ERAP1: variants seen among roughly 807,000 people sequenced by gnomAD.
The protein encoded by ERAP1 is endoplasmic reticulum aminopeptidase 1, also known as adipocyte-derived leucine aminopeptidase.
Under a neutral mutation model 103.7 loss-of-function variants are expected in ERAP1, and 86 were observed. The ratio of observed to expected loss-of-function variants is 0.83; its 90% CI spans 0.70 to 0.99. The LOEUF is 0.99. Ranked by LOEUF, ERAP1 falls within the 50% of genes least tolerant of loss-of-function variation. The pLI is 0.00. For synonymous variants in ERAP1, 398 were observed against 402.4 expected (o/e 0.99, Z 0.13); for missense variants, 1,009 against 1,128.4 (o/e 0.89, Z 1.52).
chr5:96,886,863 T>C, the ERAP1 span: 1 of 1,251,710 alleles, frequency 8.0e-7, no homozygotes, highest in Non-Finnish European at 1.0e-6. Context: ...TTTTCTCATG[T>C]TTTTCATTGT....
the ERAP1 span, chr5:96,910,274 A>AG: frequency 1.3e-5 from 2 of 151,912 alleles, no homozygotes; most frequent in African/African-American, 4.8e-5. Context: ...CAAAAAAAAA[A>AG]AAAAAACTTT....
the ERAP1 span, among the ~76,000 whole-genome samples, chr5:96,861,303 C>T: frequency 6.6e-6 from 1 of 152,138 alleles, no homozygotes; most frequent in Non-Finnish European, 1.5e-5. Context: ...AATGAACACA[C>T]AGATACTTCA....
the ERAP1 span, among the ~76,000 whole-genome samples, chr5:96,847,715 G>A: frequency 6.6e-5 from 10 of 152,174 alleles, no homozygotes; most frequent in South Asian, 2.1e-4. Context: ...GTAGACTCCC[G>A]AAAAACTATT....
At chr5:96,902,293 T>C in the ERAP1 span, 1 of 1,610,372 alleles carries the variant, frequency 6.2e-7, no homozygotes, top group South Asian at 1.1e-5. Context: ...GCATATCCCA[T>C]TGACCTACTC....
chr5:96,813,414 G>A, the ERAP1 span, among the ~76,000 whole-genome samples: 1 of 152,058 alleles, frequency 6.6e-6, no homozygotes, highest in Non-Finnish European at 1.5e-5. Flanking sequence ...CAGCACTTTG[G>A]GAGGCCAAGG....
chr5:96,800,625 T>C (rs1295715109), intron 3 of ERAP1, among the ~76,000 whole-genome samples: 1 of 152,262 alleles, frequency 6.6e-6, no homozygotes, highest in Non-Finnish European at 1.5e-5. Flanking sequence ...CCTATCAGCA[T>C]GTATAACCTG....
the ERAP1 span, among the ~76,000 whole-genome samples, chr5:96,821,977 T>C: frequency 6.6e-6 from 1 of 152,202 alleles, no homozygotes; most frequent in Non-Finnish European, 1.5e-5. Context: ...GTCGTATTTA[T>C]TTAAAAGCAA....
At chr5:96,867,204 A>G in the ERAP1 span, among the ~76,000 whole-genome samples, 1 of 151,820 alleles carries the variant, frequency 6.6e-6, no homozygotes, top group South Asian at 2.1e-4. Flanking sequence ...ACGGGGTTTC[A>G]TCATGTTGTC....
At chr5:96,867,828 C>T in the ERAP1 span, among the ~76,000 whole-genome samples, 1 of 152,192 alleles carries the variant, frequency 6.6e-6, no homozygotes, top group Non-Finnish European at 1.5e-5. Context: ...AATCCCATCA[C>T]TTTGGGAGGC....
chr5:96,783,290 TTAATA>T, intron 14 of ERAP1, 55 bp from the exon 15 acceptor site: 1 of 1,523,450 alleles, frequency 6.6e-7, no homozygotes, highest in African/African-American at 1.4e-5. Flanking sequence ...TCATTTCATG[TTAATA>T]TAATCCATTA....
At chr5:96,826,023 C>T in the ERAP1 span, among the ~76,000 whole-genome samples, 1 of 152,172 alleles carries the variant, frequency 6.6e-6, no homozygotes, top group Non-Finnish European at 1.5e-5. Flanking sequence ...TTATTTGATT[C>T]GTTGCTTATT....
the ERAP1 span, among the ~76,000 whole-genome samples, chr5:96,911,899 G>GA: frequency 1.5e-4 from 17 of 112,236 alleles, no homozygotes; most frequent in African/African-American, 5.3e-4. Flanking sequence ...AGAAAGAAAA[G>GA]AAAAAAATGG....
chr5:96,781,239 G>A, intron 16 of ERAP1, 41 bp from the exon 17 acceptor site: 1 of 1,586,768 alleles, frequency 6.3e-7, no homozygotes, highest in Non-Finnish European at 8.6e-7. Flanking sequence ...ATGAATAGGT[G>A]ATGAAACAGT....
the ERAP1 span, among the ~76,000 whole-genome samples, chr5:96,839,992 T>C: frequency 6.6e-6 from 1 of 152,230 alleles, no homozygotes; most frequent in East Asian, 1.9e-4. Flanking sequence ...TAATGAGTTG[T>C]TTATTGCTTG....
At chr5:96,909,473 A>G in the ERAP1 span, 1 of 836,394 alleles carries the variant, frequency 1.2e-6, no homozygotes, top group Non-Finnish European at 1.9e-6. Context: ...GTTTGGGGAA[A>G]GATTGGGAAA....
the ERAP1 span, among the ~76,000 whole-genome samples, chr5:96,845,430 T>C: frequency 3.9e-5 from 6 of 152,280 alleles, no homozygotes; most frequent in African/African-American, 1.4e-4. Context: ...AGACAAGGTT[T>C]CACCATGTTG....
At chr5:96,787,835 C>T (rs943378357) in intron 11 of ERAP1, among the ~76,000 whole-genome samples, 12 of 141,110 alleles carry the variant, frequency 8.5e-5, no homozygotes, top group African/African-American at 1.3e-4. Context: ...TGTATATATA[C>T]ACACACACAT....
chr5:96,910,494 T>G, the ERAP1 span, among the ~76,000 whole-genome samples: 1 of 152,158 alleles, frequency 6.6e-6, no homozygotes, highest in Non-Finnish European at 1.5e-5. Context: ...AATCTATTAT[T>G]CTCTTCTTTT....
At chr5:96,795,440 T>G (rs748821068) in intron 4 of ERAP1, among the ~76,000 whole-genome samples, 6 of 152,194 alleles carry the variant, frequency 3.9e-5, no homozygotes, top group Non-Finnish European at 2.9e-5. Context: ...CAAAGTGAAA[T>G]GACAGTTAGA....
Sources: allele counts gnomAD v4.1 joint callset (sites outside exome capture counted in the v4.1 genomes callset), GRCh38; gene constraint gnomAD v4.1.1; transcripts MANE v1.5; gene names NCBI Gene and HGNC (gene_info 2026-07-23, HGNC 2026-07-21).